The following MYO1H variants were observed in gnomAD, a reference collection of about 807,000 sequenced individuals.
MYO1H encodes unconventional myosin-Ih.
Under a neutral mutation model 149.3 loss-of-function variants are expected in MYO1H, and 118 were observed. The ratio of observed to expected loss-of-function variants is 0.79; its 90% CI spans 0.68 to 0.92. MYO1H has a LOEUF of 0.92. Among genes scored for constraint, MYO1H ranks in the 40% least tolerant of loss-of-function variants. The pLI, the probability that MYO1H is intolerant of heterozygous loss-of-function variation, is 0.00. For missense variants in MYO1H, 1,212 were observed against 1,280.7 expected (o/e 0.95, Z 0.82); for synonymous variants, 447 against 465.2 (o/e 0.96, Z 0.50).
chr12:109,417,952 A>G (rs1472260924), intron 15 of MYO1H, among the ~76,000 whole-genome samples: 1 of 151,558 alleles, frequency 6.6e-6, no homozygotes, highest in Non-Finnish European at 1.5e-5. Context: ...AGTAGCTGGG[A>G]CTACAGGCGC....
At chr12:109,401,464 G>T in intron 6 of MYO1H, 192 bp downstream of exon 6, 1 of 555,110 alleles carries the variant, frequency 1.8e-6, no homozygotes, top group South Asian at 3.2e-5. Context: ...ATATCACCTT[G>T]GTAAAGTAAC....
chr12:109,353,904 G>A (rs750894295), intron 1 of MYO1H, among the ~76,000 whole-genome samples: 1 of 152,122 alleles, frequency 6.6e-6, no homozygotes, highest in Non-Finnish European at 1.5e-5. Context: ...TGATCTGCCC[G>A]CCTCAGCCCC....
chr12:109,358,192 T>G (rs1868652192), intron 1 of MYO1H, among the ~76,000 whole-genome samples: 1 of 151,790 alleles, frequency 6.6e-6, no homozygotes, highest in South Asian at 2.1e-4. Flanking sequence ...CAGAAGCAAA[T>G]GTAATGTGCA....
At chr12:109,443,906 AAAAAAAC>A (rs762633494) in intron 28 of MYO1H, among the ~76,000 whole-genome samples, 1 of 151,850 alleles carries the variant, frequency 6.6e-6, no homozygotes, top group Non-Finnish European at 1.5e-5. Flanking sequence ...TGGCTCAAAA[AAAAAAAC>A]AAAAAACAAA....
chr12:109,427,141 C>A (rs550270036), intron 18 of MYO1H, among the ~76,000 whole-genome samples: 6 of 152,032 alleles, frequency 3.9e-5, no homozygotes, highest in African/African-American at 1.4e-4. Context: ...CACGGTGAAA[C>A]CACGTCTCTA....
At chr12:109,432,256 G>A (rs1366813454) in intron 19 of MYO1H, among the ~76,000 whole-genome samples, 10 of 151,962 alleles carry the variant, frequency 6.6e-5, no homozygotes, top group Admixed American at 3.3e-4. Flanking sequence ...CGCCCGCCTC[G>A]GCCTCCCAAA....
At chr12:109,398,654 G>A (rs1201866076) in intron 5 of MYO1H, among the ~76,000 whole-genome samples, 2 of 148,550 alleles carry the variant, frequency 1.3e-5, no homozygotes, top group African/African-American at 4.9e-5. Context: ...GAAGGCTGAG[G>A]CAGGAGAATT....
chr12:109,321,743 TATCC>T, the MYO1H span, among the ~76,000 whole-genome samples: 3 of 152,200 alleles, frequency 2.0e-5, no homozygotes, highest in African/African-American at 7.2e-5. Context: ...TACCACTTTA[TATCC>T]ATCAAACTGG....
the MYO1H span, among the ~76,000 whole-genome samples, chr12:109,328,141 CATATAT>C: frequency 7.0e-6 from 1 of 142,650 alleles, no homozygotes; most frequent in East Asian, 2.0e-4. Flanking sequence ...CACACACACG[CATATAT>C]ATATATATGC....
chr12:109,446,396 C>T (rs1378294590), intron 31 of MYO1H: 4 of 985,338 alleles, frequency 4.1e-6, no homozygotes, highest in African/African-American at 1.7e-5. Flanking sequence ...AATTTTGATA[C>T]AAATTAATTA....
intron 15 of MYO1H, among the ~76,000 whole-genome samples, chr12:109,420,400 A>G (rs1871123596): frequency 6.6e-6 from 1 of 152,170 alleles, no homozygotes; most frequent in African/African-American, 2.4e-5. Context: ...AAAGAGGTTT[A>G]ATTAACTCAA....
chr12:109,407,731 C>A (rs1356640005), intron 9 of MYO1H, 63 bp from the exon 10 acceptor site: 16 of 1,522,450 alleles, frequency 1.1e-5, no homozygotes, highest in Non-Finnish European at 1.2e-5. Flanking sequence ...AAAAAGACTT[C>A]TTTGAACACT....
chr12:109,337,704 C>T, the MYO1H span, among the ~76,000 whole-genome samples: 1 of 152,118 alleles, frequency 6.6e-6, no homozygotes. Context: ...AGCTACAATT[C>T]AAGATGAGAT....
At chr12:109,398,464 G>A (rs2137046223) in intron 5 of MYO1H, among the ~76,000 whole-genome samples, 1 of 152,186 alleles carries the variant, frequency 6.6e-6, no homozygotes, top group East Asian at 1.9e-4. Flanking sequence ...AAATCACAAG[G>A]GCCGGATGCA....
chr12:109,393,327 C>G lies in MYO1H; in HGVS notation c.175-4C>G. Reference sequence around the variant, plus strand: ...CTCACTTGTGCTTTGGTCCATTTCTCTAGACATATATTGGCACCCTCCTTG... The same window carrying G: ...CTCACTTGTGCTTTGGTCCATTTCTGTAGACATATATTGGCACCCTCCTTG... On this transcript the variant is annotated splice_polypyrimidine_tract_variant and splice_region_variant and intron_variant, in intron 2 of 31. Coordinates refer to ENST00000310903, the Ensembl canonical transcript of MYO1H. 4 of 1,555,850 alleles carry G rather than the reference C, an allele frequency of 2.6e-6. No individual in the cohort carries two copies. The highest frequency in any genetic ancestry group is 1.7e-4 in the Middle Eastern group (1 of 5,994).
intron 1 of MYO1H, among the ~76,000 whole-genome samples, chr12:109,359,864 G>A (rs1488976457): frequency 6.6e-6 from 1 of 152,212 alleles, no homozygotes; most frequent in Non-Finnish European, 1.5e-5. Flanking sequence ...TGGCAGCCAT[G>A]AAACGCAGTT....
chr12:109,317,320 TTAAA>T, the MYO1H span, among the ~76,000 whole-genome samples: 2 of 152,196 alleles, frequency 1.3e-5, no homozygotes, highest in African/African-American at 4.8e-5. Flanking sequence ...CTGTTTCTAT[TTAAA>T]TAATTTAATT....
chr12:109,380,128 C>T (rs866767034), intron 1 of MYO1H, among the ~76,000 whole-genome samples: 2 of 151,992 alleles, frequency 1.3e-5, no homozygotes, highest in Non-Finnish European at 2.9e-5. Context: ...CTCCTGGCCT[C>T]GAGTGATCCT....
At chr12:109,433,055 A>G (rs1871709713) in intron 20 of MYO1H, 45 bp downstream of exon 20, 1 of 1,505,214 alleles carries the variant, frequency 6.6e-7, no homozygotes, top group African/African-American at 1.4e-5. Context: ...CCTTGACATC[A>G]AAGGGTTTTG....
Sources: allele counts gnomAD v4.1 joint callset (sites outside exome capture counted in the v4.1 genomes callset), GRCh38; gene constraint gnomAD v4.1.1; transcripts MANE v1.5; gene names NCBI Gene and HGNC (gene_info 2026-07-23, HGNC 2026-07-21).